Variants in PGP observed in about 807,000 individuals in gnomAD.
PGP encodes aspartate-based ubiquitous Mg(2+)-dependent phosphatase.
Under a neutral mutation model 19.3 loss-of-function variants are expected in PGP, and 9 were observed. That is an observed-to-expected ratio of 0.47 (90% CI 0.28 to 0.81). PGP has a LOEUF of 0.81. PGP is among the 40% of genes least tolerant of loss of function. The pLI is 0.11. For synonymous variants in PGP, 308 were observed against 226.8 expected (o/e 1.36, Z -3.22); for missense variants, 403 against 479.9 (o/e 0.84, Z 1.50).
Position 2,214,280 on chromosome 16 carries a change from G to T in PGP, c.498C>A (p.Arg166=), listed in dbSNP as rs773421787. The part of the protein sequence containing the change: ...WLHAPLEPDV[R]AVVVGFDPHF... ...GCGGGTCAAAGCCCACCACCACCGC[G>T]CGCACGTCGGGCTCCAGCGGCGCGT... is the stretch of plus-strand genomic sequence containing the variant. The change falls in exon 1 of 2, where the codon CGC becomes CGA. Residue 166 remains arginine (R), a synonymous_variant. Coordinates refer to ENST00000333503, the MANE Select transcript of PGP (RefSeq NM_001042371.3). The surrounding 1 kb of genome is among the most constrained non-coding windows in gnomAD (Gnocchi z 7.1). The T allele has an allele frequency of 2.1e-5, 33 of 1,569,652 alleles. No homozygotes were observed. The South Asian group carries it at 3.7e-4, about 17-fold the overall frequency.
Position 2,214,198 on chromosome 16 carries a change from G to C in PGP, c.580C>G (p.Leu194Val). 1 of 1,595,938 alleles carries C rather than the reference G, an allele frequency of 6.3e-7. No homozygotes were observed. The highest frequency in any genetic ancestry group is 1.1e-5 in the South Asian group (1 of 90,708). The change falls in exon 1 of 2, where the codon CTG becomes GTG. Residue 194 changes from leucine (L) to valine (V), a missense_variant. Transcript: ENST00000333503. This position sits in a 1 kb window ranked among gnomAD's most constrained non-coding sequence, Gnocchi z 7.1. The part of the protein sequence containing the change: ...ALRYLQQPGC[L>V]LVGTNMDNRL... ...TTGTCCATGTTGGTGCCCACGAGCA[G>C]GCAGCCGGGCTGCTGCAGGTAGCGC...
chr16:2,212,397 C>T lies in PGP; in HGVS notation c.*1331G>A, dbSNP rs983156417. The T allele has an allele frequency of 4.9e-5, 48 of 985,780 alleles. No homozygotes were observed. The highest frequency in any genetic ancestry group is 5.8e-5 in the Non-Finnish European group (48 of 830,142). 61.1% of individuals were successfully genotyped at this position (985,780 alleles called of 1,614,324 possible). A position where few individuals can be genotyped will look rare whatever the true frequency, so the allele number is the denominator to read the frequency against. On this transcript the variant is annotated 3_prime_UTR_variant, in exon 2 of 2. Transcript: ENST00000333503. ...GGAAAGGCGCTGGTAGGGAGCCAGCCAGAAGGTGCAGCATCCCGGGATGGC... is the reference window on the plus strand; with the variant it reads ...GGAAAGGCGCTGGTAGGGAGCCAGCTAGAAGGTGCAGCATCCCGGGATGGC...
Position 2,213,851 on chromosome 16 carries a change from G to T in PGP, c.843C>A (p.Thr281=). The change falls in exon 2 of 2, where the codon ACC becomes ACA. Residue 281 remains threonine, a synonymous_variant. Transcript: ENST00000333503. ...TCACATCCCCTAGAGTGGAGACTCC[G>T]GTGAGGGTCAGGATGGTCTTCAGGC... The part of the protein sequence containing the change: ...TCGLKTILTL[T]GVSTLGDVKN... 3 of 1,612,798 alleles carry T rather than the reference G, an allele frequency of 1.9e-6. No homozygotes were observed. The highest frequency in any genetic ancestry group is 1.7e-6 in the Non-Finnish European group (2 of 1,179,078).
In PGP at chr16:2,213,099, G is replaced by A. The variant is rs892160978; in HGVS notation, c.*629C>T. ...GGCAGCAGCCCTGGGTATCTGAAACGGAACAGACACTCAGTTGTGACATCA... is the reference window on the plus strand; with the variant it reads ...GGCAGCAGCCCTGGGTATCTGAAACAGAACAGACACTCAGTTGTGACATCA... On this transcript the variant is annotated 3_prime_UTR_variant, in exon 2 of 2. Transcript: ENST00000333503. The A allele has an allele frequency of 4.1e-6, 4 of 985,440 alleles. No individual in the cohort carries two copies. The highest frequency in any genetic ancestry group is 3.5e-5 in the African/African-American group (2 of 57,258). The allele number at this position is 985,440 out of a possible 1,614,324, so 61.0% of individuals were successfully genotyped here.
Position 2,213,306 on chromosome 16 carries a change from A to G in PGP, c.*422T>C. Reference sequence around the variant, plus strand: ...TACTGATGGGGCTCTGGTCCATGCAAGCCTCTCCCAACAGTCAGAATAATC... The same window carrying G: ...TACTGATGGGGCTCTGGTCCATGCAGGCCTCTCCCAACAGTCAGAATAATC... On this transcript the variant is annotated 3_prime_UTR_variant, in exon 2 of 2. Coordinates refer to ENST00000333503, the MANE Select transcript of PGP (RefSeq NM_001042371.3). The G allele has an allele frequency of 3.0e-6, 3 of 987,928 alleles. No individual in the cohort carries two copies. The highest frequency in any genetic ancestry group is 3.6e-6 in the Non-Finnish European group (3 of 831,422). The allele number at this position is 987,928 out of a possible 1,614,324, so 61.2% of individuals were successfully genotyped here. A position where few individuals can be genotyped will look rare whatever the true frequency, so the allele number is the denominator to read the frequency against.
At position 2,213,270 on chromosome 16, in the gene PGP, A is replaced by T; in HGVS notation, c.*458T>A. Reference sequence around the variant, plus strand: ...ACAGGGACACAGAAGGCTCCGCTGGACTTTCAGTCATACTGATGGGGCTCT... The same window carrying T: ...ACAGGGACACAGAAGGCTCCGCTGGTCTTTCAGTCATACTGATGGGGCTCT... On this transcript the variant is annotated 3_prime_UTR_variant, in exon 2 of 2. Transcript: ENST00000333503. The T allele has an allele frequency of 1.0e-6, 1 of 986,248 alleles. No individual in the cohort carries two copies. Among genetic ancestry groups the T allele is most frequent in the Non-Finnish European group, 1.2e-6 (1 of 830,354 alleles). The allele number at this position is 986,248 out of a possible 1,614,324, so 61.1% of individuals were successfully genotyped here. A position where few individuals can be genotyped will look rare whatever the true frequency, so the allele number is the denominator to read the frequency against.
Position 2,214,415 on chromosome 16 carries a change from G to C in PGP, c.363C>G (p.Ala121=), listed in dbSNP as rs2093382868. Residue 121 remains alanine, a synonymous_variant, in exon 1 of 2, where the codon GCC becomes GCG. Transcript: ENST00000333503. This position sits in a 1 kb window ranked among gnomAD's most constrained non-coding sequence, Gnocchi z 7.1. ...CCAGGGCTGGGCTGCCCAGCACGTA[G>C]GCCTTGGGCGCGGGGGCGCCGGCCA... is the stretch of plus-strand genomic sequence containing the variant. The part of the protein sequence containing the change: ...QRLAGAPAPK[A]YVLGSPALAA... The C allele has an allele frequency of 7.5e-7, 1 of 1,339,628 alleles. No individual in the cohort carries two copies. The highest frequency in any genetic ancestry group is 4.1e-5 in the Admixed American group (1 of 24,392). The allele number at this position is 1,339,628 out of a possible 1,614,324, so 83.0% of individuals were successfully genotyped here.
rs1297065844 is a variant in PGP, at chr16:2,211,976, G to A, written c.*1752C>T. 1.4e-5 allele frequency: 14 copies of A among 985,460 alleles called. No homozygotes were observed. The highest frequency in any genetic ancestry group is 1.7e-5 in the African/African-American group (1 of 57,256). The allele number at this position is 985,460 out of a possible 1,614,324, so 61.0% of individuals were successfully genotyped here. ...TCACCCGGGCCAATGCAAGGTGAGA[G>A]CAAGGACACCTGAGCCAGTGTGGGT... On this transcript the variant is annotated 3_prime_UTR_variant, in exon 2 of 2. Coordinates refer to ENST00000333503, the MANE Select transcript of PGP (RefSeq NM_001042371.3).
Position 2,211,658 on chromosome 16 carries a change from T to A in PGP, c.*2070A>T, listed in dbSNP as rs1219959843. 3 of 978,708 alleles carry A rather than the reference T, an allele frequency of 3.1e-6. No homozygotes were observed. The highest frequency in any genetic ancestry group is 3.6e-6 in the Non-Finnish European group (3 of 823,918). 60.6% of individuals were successfully genotyped at this position (978,708 alleles called of 1,614,324 possible). ...GTCTTGAACTCCTGATCTCAAGTAATCCACCTGCCTCAGCCTTCCAAAGCG... is the reference window on the plus strand; with the variant it reads ...GTCTTGAACTCCTGATCTCAAGTAAACCACCTGCCTCAGCCTTCCAAAGCG... On this transcript the variant is annotated 3_prime_UTR_variant, in exon 2 of 2. Coordinates refer to ENST00000333503, the MANE Select transcript of PGP (RefSeq NM_001042371.3).
rs2093376577 is a variant in PGP, at chr16:2,212,015, CTG to C, written c.*1711_*1712del. 1 of 985,550 alleles carries C rather than the reference CTG, an allele frequency of 1.0e-6. No homozygotes were observed. Among genetic ancestry groups the C allele is most frequent in the East Asian group, 1.1e-4 (1 of 8,824 alleles). The allele number at this position is 985,550 out of a possible 1,614,324, so 61.1% of individuals were successfully genotyped here. On this transcript the variant is annotated 3_prime_UTR_variant, in exon 2 of 2. Transcript: ENST00000333503. ...GCCAGTGTGGGTTTGAGAGTTTAAT[CTG>C]TGCTCTGGCGCCCACAGTGCTGCAG...
Position 2,213,673 on chromosome 16 carries a change from G to A in PGP, c.*55C>T, listed in dbSNP as rs980776214. ...GCTTAAGCCCCACCTATTAATTTGG[G>A]TAACTGGTTTTCAATTTCTTTTTTT... On this transcript the variant is annotated 3_prime_UTR_variant, in exon 2 of 2. Transcript: ENST00000333503. 7.5e-6 allele frequency: 11 copies of A among 1,457,908 alleles called. No individual in the cohort carries two copies. The South Asian group carries it at 8.6e-5, about 11-fold the overall frequency. The allele number at this position is 1,457,908 out of a possible 1,614,324, so 90.3% of individuals were successfully genotyped here.
At position 2,212,664 on chromosome 16, in the gene PGP, T is replaced by C. The variant is rs1347403075; in HGVS notation, c.*1064A>G. The C allele has an allele frequency of 5.1e-6, 5 of 985,406 alleles. No individual in the cohort carries two copies. In the East Asian group the frequency reaches 3.4e-4, roughly 67 times the overall value. The allele number at this position is 985,406 out of a possible 1,614,324, so 61.0% of individuals were successfully genotyped here. ...ATGCTTTGTAAAGGACTTCCTGTTC[T>C]TGGGGACATAACTCTCGTCCCCTCC... On this transcript the variant is annotated 3_prime_UTR_variant, in exon 2 of 2. Transcript: ENST00000333503.
rs1447716738 is a variant in PGP at position 2,214,628 on chromosome 16, G to C, written c.150C>G (p.Pro50=). 5 of 1,448,204 alleles carry C rather than the reference G, an allele frequency of 3.5e-6. No individual in the cohort carries two copies. In the African/African-American group the frequency reaches 4.5e-5, roughly 13 times the overall value. 89.7% of individuals were successfully genotyped at this position (1,448,204 alleles called of 1,614,324 possible). Residue 50 remains proline (P), a synonymous_variant, in exon 1 of 2, where the codon CCC becomes CCG. Coordinates refer to ENST00000333503, the MANE Select transcript of PGP (RefSeq NM_001042371.3). The surrounding 1 kb of genome is among the most constrained non-coding windows in gnomAD (Gnocchi z 7.1). ...WRGETAVPGA[P]EALRALRARG... ...GGGCTCGCAGCGCCCGCAGGGCCTCGGGCGCGCCAGGCACGGCGGTCTCCC... is the reference window on the plus strand; with the variant it reads ...GGGCTCGCAGCGCCCGCAGGGCCTCCGGCGCGCCAGGCACGGCGGTCTCCC...
Position 2,212,379 on chromosome 16 carries a change from C to T in PGP, c.*1349G>A, listed in dbSNP as rs946438372. On this transcript the variant is annotated 3_prime_UTR_variant, in exon 2 of 2. Coordinates refer to ENST00000333503, the MANE Select transcript of PGP (RefSeq NM_001042371.3). ...AGAAGCTGCCAGGTACAGGGAAAGG[C>T]GCTGGTAGGGAGCCAGCCAGAAGGT... is the stretch of plus-strand genomic sequence containing the variant. 1.0e-5 allele frequency: 10 copies of T among 985,908 alleles called. No homozygotes were observed. Among genetic ancestry groups the T allele is most frequent in the African/African-American group, 7.0e-5 (4 of 57,250 alleles). The allele number at this position is 985,908 out of a possible 1,614,324, so 61.1% of individuals were successfully genotyped here. A position where few individuals can be genotyped will look rare whatever the true frequency, so the allele number is the denominator to read the frequency against.
rs1330407544 is a variant in PGP, at chr16:2,214,676, G to A, written c.102C>T (p.Asp34=). 7.0e-7 allele frequency: 1 copy of A among 1,438,168 alleles called. No homozygotes were observed. 89.1% of individuals were successfully genotyped at this position (1,438,168 alleles called of 1,614,324 possible). A position where few individuals can be genotyped will look rare whatever the true frequency, so the allele number is the denominator to read the frequency against. Residue 34 remains aspartate (D), a synonymous_variant, in exon 1 of 2, where the codon GAC becomes GAT. Coordinates refer to ENST00000333503, the MANE Select transcript of PGP (RefSeq NM_001042371.3). This position sits in a 1 kb window ranked among gnomAD's most constrained non-coding sequence, Gnocchi z 7.1. The stretch of plus-strand genomic sequence containing the variant: ...CCCCGCGCCACAGCACGCCGTCGCA[G>A]TCGAACAGCAGCGTGTCCACGTCGG... The part of the protein sequence containing the change: ...LLADVDTLLF[D]CDGVLWRGET...
Position 2,214,586 on chromosome 16 carries a change from G to A in PGP, c.192C>T (p.Gly64=), listed in dbSNP as rs983859824. Residue 64 remains glycine (G), a synonymous_variant, in exon 1 of 2, where the codon GGC becomes GGT. Transcript: ENST00000333503. This position sits in a 1 kb window ranked among gnomAD's most constrained non-coding sequence, Gnocchi z 7.1. ...RALRARGKRL[G]FITNNSSKTR... The stretch of plus-strand genomic sequence containing the variant: ...TCTTGCTGCTGTTGTTGGTGATGAA[G>A]CCCAGGCGCTTGCCGCGGGCTCGCA... 2 of 1,470,810 alleles carry A rather than the reference G, an allele frequency of 1.4e-6. No individual in the cohort carries two copies. The highest frequency in any genetic ancestry group is 4.6e-5 in the Admixed American group (2 of 43,188). The allele number at this position is 1,470,810 out of a possible 1,614,324, so 91.1% of individuals were successfully genotyped here. A position where few individuals can be genotyped will look rare whatever the true frequency, so the allele number is the denominator to read the frequency against.
In PGP at chr16:2,214,638, G is replaced by A. The variant is rs1327860197; in HGVS notation, c.140C>T (p.Pro47Leu). The change falls in exon 1 of 2, where the codon CCT (proline) becomes CTT (leucine). Residue 47 changes from proline (P) to leucine (L), a missense_variant. Transcript: ENST00000333503. This position sits in a 1 kb window ranked among gnomAD's most constrained non-coding sequence, Gnocchi z 7.1. ...CGCCCGCAGGGCCTCGGGCGCGCCA[G>A]GCACGGCGGTCTCCCCGCGCCACAG... ...GVLWRGETAVPGAPEALRALR... is the reference protein window; with the variant it reads ...GVLWRGETAVLGAPEALRALR... 9.7e-6 allele frequency: 14 copies of A among 1,446,444 alleles called. No homozygotes were observed. The highest frequency in any genetic ancestry group is 1.3e-5 in the Non-Finnish European group (14 of 1,102,248). 89.6% of individuals were successfully genotyped at this position (1,446,444 alleles called of 1,614,324 possible).
chr16:2,214,830 G>A lies in PGP; in HGVS notation c.-53C>T. 1 of 633,794 alleles carries A rather than the reference G, an allele frequency of 1.6e-6. No homozygotes were observed. The highest frequency in any genetic ancestry group is 2.0e-5 in the African/African-American group (1 of 50,320). 39.3% of individuals were successfully genotyped at this position (633,794 alleles called of 1,614,324 possible). A position where few individuals can be genotyped will look rare whatever the true frequency, so the allele number is the denominator to read the frequency against. On this transcript the variant is annotated 5_prime_UTR_variant, in exon 1 of 2. Coordinates refer to ENST00000333503, the MANE Select transcript of PGP (RefSeq NM_001042371.3). This position sits in a 1 kb window ranked among gnomAD's most constrained non-coding sequence, Gnocchi z 7.1. ...CGGCCGCTCCTCGCAGCCGCCCGCC[G>A]CGGCGCCCTCCCCGCCCCCGGGGCG...
Position 2,214,385 on chromosome 16 carries a change from C to G in PGP, c.393G>C (p.Ala131=). The change falls in exon 1 of 2, where the codon GCG becomes GCC. Residue 131 remains alanine (A), a synonymous_variant. Coordinates refer to ENST00000333503, the MANE Select transcript of PGP (RefSeq NM_001042371.3). The surrounding 1 kb of genome is among the most constrained non-coding windows in gnomAD (Gnocchi z 7.1). ...AYVLGSPALA[A]ELEAVGVASV... ...TGGCGACGCCCACGGCCTCCAGCTC[C>G]GCGGCCAGGGCTGGGCTGCCCAGCA... The G allele has an allele frequency of 6.9e-7, 1 of 1,448,368 alleles. No individual in the cohort carries two copies. The allele number at this position is 1,448,368 out of a possible 1,614,324, so 89.7% of individuals were successfully genotyped here.
Sources: gnomAD v4.1 joint callset for allele counts on GRCh38, gnomAD v4.1.1 for gene constraint, Gnocchi (gnomAD v3.1) non-coding constraint, MANE v1.5 for transcripts, NCBI Gene and HGNC (gene_info 2026-07-23, HGNC 2026-07-21) for gene names.